The following NFIL3 variants were observed in gnomAD, a reference collection of about 807,000 sequenced individuals.
NFIL3 encodes the protein nuclear factor interleukin-3-regulated protein.
NFIL3 carries 5 observed loss-of-function variants against 10.0 expected under a neutral mutation model. That is an observed-to-expected ratio of 0.50 (90% CI 0.26 to 1.06). The LOEUF is 1.06. Ranked by LOEUF, NFIL3 falls within the 50% of genes least tolerant of loss-of-function variation. The pLI, the probability that NFIL3 is intolerant of heterozygous loss-of-function variation, is 0.13. For synonymous variants in NFIL3, 202 were observed against 206.5 expected (o/e 0.98, Z 0.19); for missense variants, 436 against 547.6 (o/e 0.80, Z 2.03).
intron 1 of NFIL3, among the ~76,000 whole-genome samples, chr9:91,414,721 A>T (rs1323583216): frequency 1.3e-5 from 2 of 152,242 alleles, no homozygotes; most frequent in African/African-American, 4.8e-5. Context: ...ATTATCTATC[A>T]AATAATCTTG....
the NFIL3 span, among the ~76,000 whole-genome samples, chr9:91,450,392 T>C: frequency 6.6e-6 from 1 of 152,154 alleles, no homozygotes; most frequent in Non-Finnish European, 1.5e-5. Flanking sequence ...TAAGTTTTGG[T>C]ATACTAGTTT....
At chr9:91,465,641 G>A in the NFIL3 span, among the ~76,000 whole-genome samples, 4 of 152,016 alleles carry the variant, frequency 2.6e-5, no homozygotes, top group South Asian at 6.2e-4. Flanking sequence ...TGTAGTGTGT[G>A]CATTTTTTTT....
At chr9:91,460,056 C>G in the NFIL3 span, among the ~76,000 whole-genome samples, 1 of 149,664 alleles carries the variant, frequency 6.7e-6, no homozygotes, top group Non-Finnish European at 1.5e-5. Flanking sequence ...AAAATAATGT[C>G]TGAGTTGAGC....
At chr9:91,432,942 T>A in the NFIL3 span, among the ~76,000 whole-genome samples, 1 of 152,222 alleles carries the variant, frequency 6.6e-6, no homozygotes, top group Non-Finnish European at 1.5e-5. Flanking sequence ...AAAAGCATTC[T>A]TTTTCAGTGT....
intron 1 of NFIL3, among the ~76,000 whole-genome samples, chr9:91,419,277 T>C (rs1833714365): frequency 6.6e-6 from 1 of 152,180 alleles, no homozygotes; most frequent in Admixed American, 6.5e-5. Context: ...TTAACCTGGG[T>C]AAAAATAAAG....
At chr9:91,420,554 C>A (rs1276907806) in intron 1 of NFIL3, among the ~76,000 whole-genome samples, 1 of 152,130 alleles carries the variant, frequency 6.6e-6, no homozygotes, top group Non-Finnish European at 1.5e-5. Flanking sequence ...TTCTTGTGAG[C>A]CCAGGGCCTG....
chr9:91,468,714 A>G, the NFIL3 span, among the ~76,000 whole-genome samples: 1 of 152,146 alleles, frequency 6.6e-6, no homozygotes, highest in Non-Finnish European at 1.5e-5. Context: ...TAATTTTTGT[A>G]TAAGGTGTAA....
At chr9:91,445,198 G>A in the NFIL3 span, among the ~76,000 whole-genome samples, 1 of 152,192 alleles carries the variant, frequency 6.6e-6, no homozygotes, top group Non-Finnish European at 1.5e-5. Context: ...GCCCTGGGGA[G>A]CAAGGCACAA....
At chr9:91,464,342 T>C in the NFIL3 span, among the ~76,000 whole-genome samples, 1 of 152,010 alleles carries the variant, frequency 6.6e-6, no homozygotes, top group African/African-American at 2.4e-5. Flanking sequence ...GTCCTAGAGT[T>C]AACACAATAT....
chr9:91,476,409 C>CA, the NFIL3 span, among the ~76,000 whole-genome samples: 9 of 152,054 alleles, frequency 5.9e-5, no homozygotes, highest in East Asian at 1.7e-3. Context: ...CCCGTCTCTA[C>CA]AAAAAATACA....
chr9:91,446,930 C>T, the NFIL3 span, among the ~76,000 whole-genome samples: 1 of 152,226 alleles, frequency 6.6e-6, no homozygotes, highest in South Asian at 2.1e-4. Context: ...ATTCTCCTGC[C>T]TCAGCCTCCC....
At chr9:91,442,322 A>G in the NFIL3 span, among the ~76,000 whole-genome samples, 6 of 152,188 alleles carry the variant, frequency 3.9e-5, no homozygotes, top group Non-Finnish European at 8.8e-5. Context: ...GTCTAATGAG[A>G]ATGCTGTTAT....
chr9:91,437,350 A>G, the NFIL3 span, among the ~76,000 whole-genome samples: 459 of 152,368 alleles, frequency 3.0e-3, no homozygotes, highest in Non-Finnish European at 5.1e-3. Flanking sequence ...CATATATAAC[A>G]AAATTTGCCT....
the NFIL3 span, among the ~76,000 whole-genome samples, chr9:91,459,560 C>T: frequency 6.6e-6 from 1 of 152,064 alleles, no homozygotes; most frequent in Non-Finnish European, 1.5e-5. Context: ...GTGGTGTGCA[C>T]CATAGTCCTA....
chr9:91,438,350 T>C, the NFIL3 span, among the ~76,000 whole-genome samples: 1 of 152,214 alleles, frequency 6.6e-6, no homozygotes, highest in Non-Finnish European at 1.5e-5. Flanking sequence ...TCATTTTTTA[T>C]TGAGTTATTT....
At chr9:91,435,489 G>C in the NFIL3 span, among the ~76,000 whole-genome samples, 1 of 152,190 alleles carries the variant, frequency 6.6e-6, no homozygotes, top group Non-Finnish European at 1.5e-5. Context: ...AAAGGAGGTT[G>C]AAATGGAACT....
chr9:91,414,377 A>G (rs1183523363), intron 1 of NFIL3, among the ~76,000 whole-genome samples: 1 of 152,036 alleles, frequency 6.6e-6, no homozygotes, highest in Non-Finnish European at 1.5e-5. Context: ...CTACTTTTGT[A>G]TTTTTAGTAG....
At chr9:91,458,963 A>G in the NFIL3 span, among the ~76,000 whole-genome samples, 1 of 152,170 alleles carries the variant, frequency 6.6e-6, no homozygotes, top group African/African-American at 2.4e-5. Flanking sequence ...GAATACAATA[A>G]TTTTTAGAAA....
At chr9:91,480,632 G>T in the NFIL3 span, among the ~76,000 whole-genome samples, 1 of 152,096 alleles carries the variant, frequency 6.6e-6, no homozygotes, top group East Asian at 1.9e-4. Context: ...AAAATTTGGC[G>T]ATGGACTACG....
Sources: allele counts gnomAD v4.1 joint callset (sites outside exome capture counted in the v4.1 genomes callset), GRCh38; gene constraint gnomAD v4.1.1; transcripts MANE v1.5; gene names NCBI Gene and HGNC (gene_info 2026-07-23, HGNC 2026-07-21).